The following PABIR3 variants were observed in gnomAD, a reference collection of about 807,000 sequenced individuals.
The protein encoded by PABIR3 is PABIR family member 3.
In PABIR3, 20 loss-of-function variants were observed where a neutral mutation model predicts 23.1. The observed-to-expected ratio is 0.86, with a 90% CI of 0.61 to 1.26. PABIR3 has a LOEUF of 1.26. Ranked by LOEUF, PABIR3 falls within the 50% of genes most tolerant of loss-of-function variation. PABIR3 has a pLI of 0.00. For missense variants in PABIR3, 189 were observed against 195.4 expected, an observed-to-expected ratio of 0.97 and a Z score of 0.20; for synonymous variants, 69 against 68.5, an observed-to-expected ratio of 1.01 and a Z score of -0.04.
intron 2 of PABIR3, chrX:134,808,046 G>T (rs2080347714): frequency 3.3e-6 from 1 of 299,821 alleles, no homozygotes; most frequent in African/African-American, 2.7e-5. Context: ...AAGAAACTTA[G>T]TATCCTCCCC....
chrX:134,845,027 G>A (rs547152205), intron 4 of PABIR3, among the ~76,000 whole-genome samples, 178 bp from the exon 5 acceptor site: 3 of 112,170 alleles, frequency 2.7e-5, no homozygotes, highest in African/African-American at 6.5e-5. Context: ...GATCTTTGGT[G>A]TGATAATTTG....
chrX:134,821,320 C>T (rs1478587608), intron 3 of PABIR3: 4 of 1,116,732 alleles, frequency 3.6e-6, no homozygotes, highest in Non-Finnish European at 4.7e-6. Context: ...TTCTTCACTT[C>T]TCTCAGGAAA....
chrX:134,857,374 G>T (rs775244019), downstream of PABIR3, among the ~76,000 whole-genome samples: 1 of 110,794 alleles, frequency 9.0e-6, no homozygotes, highest in East Asian at 2.9e-4. Flanking sequence ...TCGTCATATG[G>T]CCTTATAAAG....
intron 3 of PABIR3, among the ~76,000 whole-genome samples, chrX:134,824,570 C>A (rs1364218277): frequency 8.9e-6 from 1 of 112,015 alleles, no homozygotes; most frequent in South Asian, 3.7e-4. Context: ...GAGGCCAAGG[C>A]GGGTGGATCA....
At chrX:134,799,997 A>C (rs2080019421) in intron 1 of PABIR3, 1 of 108,452 alleles carries the variant, frequency 9.2e-6, no homozygotes, top group Admixed American at 9.9e-5. Context: ...TTTTTATTTA[A>C]AACCTTCCTT....
In PABIR3 at chrX:134,807,685, T is replaced by G. The variant is rs760602908; in HGVS notation, c.87T>G (p.Ser29Arg). The change falls in exon 2 of 11, where the codon AGT becomes AGG. Residue 29 changes from serine to arginine, a missense_variant. Transcript: ENST00000645433. ...ADGNILRRVN[S>R]APLINGLGFN... ...GCAACATTCTGAGAAGAGTCAACAG[T>G]GCCCCTTTGATCAATGGACTTGGGT... The G allele has an allele frequency of 1.7e-6, 2 of 1,200,083 alleles. No homozygotes were observed. Among genetic ancestry groups the G allele is most frequent in the Non-Finnish European group, 2.3e-6 (2 of 888,518 alleles).
chrX:134,841,763 A>G (rs939253650), intron 4 of PABIR3, among the ~76,000 whole-genome samples: 26 of 110,726 alleles, frequency 2.3e-4, no homozygotes, highest in African/African-American at 8.6e-4. Context: ...TGGGAGGCAG[A>G]GGTTGTACTG....
At chrX:134,824,032 C>A (rs2081402422) in intron 3 of PABIR3, among the ~76,000 whole-genome samples, 1 of 110,730 alleles carries the variant, frequency 9.0e-6, no homozygotes, top group Non-Finnish European at 1.9e-5. Flanking sequence ...ATGAATTGAT[C>A]CTAAAGAATT....
chrX:134,856,187 TA>T (rs2082749001), downstream of PABIR3, among the ~76,000 whole-genome samples: 1 of 71,880 alleles, frequency 1.4e-5, no homozygotes, highest in Non-Finnish European at 2.8e-5. Flanking sequence ...TCTATTCAGT[TA>T]TTTTTTTTTT....
At chrX:134,834,495 CAGA>C (rs1277801499) in intron 4 of PABIR3, among the ~76,000 whole-genome samples, 2 of 111,989 alleles carry the variant, frequency 1.8e-5, no homozygotes, top group Admixed American at 1.9e-4. Context: ...TTTTGCTGTG[CAGA>C]AGTTCTTTAG....
chrX:134,844,315 A>C (rs2082362626), intron 4 of PABIR3: 1 of 111,068 alleles, frequency 9.0e-6, no homozygotes, highest in Admixed American at 9.7e-5. Flanking sequence ...TGCTTTGGCT[A>C]TTTGGGGTCC....
intron 2 of PABIR3, among the ~76,000 whole-genome samples, chrX:134,812,316 G>A (rs1466405705): frequency 9.0e-6 from 1 of 111,725 alleles, no homozygotes; most frequent in African/African-American, 3.2e-5. Flanking sequence ...CCCTACACAT[G>A]TACACAAAAA....
intron 1 of PABIR3, among the ~76,000 whole-genome samples, chrX:134,798,633 G>A (rs2079977619): frequency 8.9e-6 from 1 of 112,263 alleles, no homozygotes; most frequent in African/African-American, 3.2e-5. Context: ...GATTAGGGGT[G>A]TGGAGTTGAC....
intron 3 of PABIR3, chrX:134,821,507 T>A: frequency 1.7e-6 from 2 of 1,152,746 alleles, no homozygotes; most frequent in Middle Eastern, 4.7e-4. Flanking sequence ...TGTCACTGCG[T>A]CACTTCTCCA....
At chrX:134,863,461 G>A in the PABIR3 span, among the ~76,000 whole-genome samples, 1 of 110,954 alleles carries the variant, frequency 9.0e-6, no homozygotes, top group Non-Finnish European at 1.9e-5. Flanking sequence ...CTACTGATGG[G>A]GAAGGCAAAG....
intron 4 of PABIR3, among the ~76,000 whole-genome samples, chrX:134,838,559 TC>T (rs1483416602): frequency 9.4e-6 from 1 of 105,993 alleles, no homozygotes; most frequent in African/African-American, 3.4e-5. Flanking sequence ...CACCTCGGCC[TC>T]CCAAAGTGCT....
Position 134,811,118 on chromosome X carries a change from TG to T in PABIR3, c.110+3411del, listed in dbSNP as rs1411584697. The T allele has an allele frequency of 2.3e-4, 175 of 747,914 alleles. No individual in the cohort carries two copies. In the African/African-American group the frequency reaches 2.4e-3, roughly 10 times the overall value. 61.6% of individuals were successfully genotyped at this position (747,914 alleles called of 1,213,427 possible). ...TATCAACTCTTTAATACAGTATTAC[TG>T]TTTTAAAGAAGTATCTGCACTGTTT... On this transcript the variant is annotated intron_variant, in intron 2 of 10. Transcript: ENST00000645433.
intron 4 of PABIR3, among the ~76,000 whole-genome samples, chrX:134,842,238 A>G (rs929215582): frequency 1.8e-5 from 2 of 111,977 alleles, no homozygotes; most frequent in Admixed American, 9.5e-5. Context: ...CTTTTCAGAT[A>G]TATGATTTGC....
intron 2 of PABIR3, among the ~76,000 whole-genome samples, 162 bp from the exon 3 acceptor site, chrX:134,814,609 G>C (rs1236285103): frequency 9.1e-6 from 1 of 109,896 alleles, no homozygotes; most frequent in Non-Finnish European, 1.9e-5. Flanking sequence ...TGAGGTAGGA[G>C]GATTGCTTGA....
Sources: gnomAD v4.1 joint callset for allele counts (sites outside exome capture counted in the v4.1 genomes callset) on GRCh38, gnomAD v4.1.1 for gene constraint, MANE v1.5 for transcripts, NCBI Gene and HGNC (gene_info 2026-07-23, HGNC 2026-07-21) for gene names.